The following IQGAP2 variants were observed in gnomAD, a reference collection of about 807,000 sequenced individuals.
IQGAP2 encodes IQ motif containing GTPase activating protein 2.
A neutral mutation model predicts 201.3 loss-of-function variants in IQGAP2; 173 were observed. The ratio of observed to expected loss-of-function variants is 0.86; its 90% CI spans 0.76 to 0.98. The LOEUF (loss-of-function observed/expected upper bound fraction) is 0.98. Among genes scored for constraint, IQGAP2 ranks in the 50% least tolerant of loss-of-function variants. The pLI, the probability that IQGAP2 is intolerant of heterozygous loss-of-function variation, is 0.00. For synonymous variants in IQGAP2, 675 were observed against 673.9 expected, an observed-to-expected ratio of 1.00 and a Z score of -0.03; for missense variants, 1,687 against 1,864.8, an observed-to-expected ratio of 0.90 and a Z score of 1.76.
At chr5:76,450,810 G>T (rs1240674828) in intron 1 of IQGAP2, among the ~76,000 whole-genome samples, 1 of 152,122 alleles carries the variant, frequency 6.6e-6, no homozygotes, top group Non-Finnish European at 1.5e-5. Flanking sequence ...GGTGGCTTTA[G>T]TCCTGAATCT....
In IQGAP2 at chr5:76,683,234, T is replaced by C. The variant is rs890002764; in HGVS notation, c.3763+17T>C. The C allele has an allele frequency of 1.5e-5, 23 of 1,575,130 alleles. No homozygotes were observed. Among genetic ancestry groups the C allele is most frequent in the Non-Finnish European group, 1.8e-5 (21 of 1,150,890 alleles). On this transcript the variant is annotated intron_variant, in intron 29 of 35. Coordinates refer to ENST00000274364, the MANE Select transcript of IQGAP2 (RefSeq NM_006633.5). The stretch of plus-strand genomic sequence containing the variant: ...CTTTTCTTGGTAAGAGCTTGTTCCT[T>C]CTACTTATCCCTTGGTTTTTGTTTA...
chr5:76,578,357 G>T (rs1270468028), intron 5 of IQGAP2, among the ~76,000 whole-genome samples: 2 of 151,910 alleles, frequency 1.3e-5, no homozygotes, highest in Non-Finnish European at 2.9e-5. Context: ...TCTGTCACCA[G>T]GCTAGAGTGC....
chr5:76,436,908 TATACATAC>T (rs558853159), intron 1 of IQGAP2, among the ~76,000 whole-genome samples: 59 of 152,028 alleles, frequency 3.9e-4, no homozygotes, highest in African/African-American at 1.3e-3. Context: ...ATGTTTATGT[TATACATAC>T]ATACATACAA....
At chr5:76,416,444 A>C (rs1751406792) in intron 1 of IQGAP2, among the ~76,000 whole-genome samples, 1 of 152,202 alleles carries the variant, frequency 6.6e-6, no homozygotes, top group South Asian at 2.1e-4. Flanking sequence ...GACGAGAAGC[A>C]CTGTGATAGC....
intron 18 of IQGAP2, among the ~76,000 whole-genome samples, 181 bp from the exon 19 acceptor site, chr5:76,654,019 C>A (rs457127): frequency 0.63 from 95,545 of 152,042 alleles, 30,313 homozygotes; most frequent in South Asian, 0.82. Context: ...CTTAAGAAAC[C>A]TCAGTGAAAG....
intron 3 of IQGAP2, 103 bp downstream of exon 3, chr5:76,562,655 G>T: frequency 1.9e-6 from 2 of 1,067,996 alleles, no homozygotes; most frequent in East Asian, 4.9e-5. Context: ...AAGGATTTGG[G>T]GGGCTGGGGG....
chr5:76,506,533 A>G lies in IQGAP2; in HGVS notation c.146+44864A>G, dbSNP rs142390397. 3.1e-3 allele frequency among the ~76,000 whole-genome samples: 479 copies of G among 152,368 alleles called. 4 individuals carry two copies. Among genetic ancestry groups the G allele is most frequent in the African/African-American group, 0.01 (416 of 41,590 alleles). On this transcript the variant is annotated intron_variant, in intron 2 of 35. Coordinates refer to ENST00000274364, the MANE Select transcript of IQGAP2 (RefSeq NM_006633.5). ...AAGACAACTGGACTCCAAAATAGAC[A>G]GTAACAGTGATCTCCAGAATCAAAA...
Position 76,673,086 on chromosome 5 carries a change from AAAAAG to A in IQGAP2, c.3069-353_3069-349del, listed in dbSNP as rs369278409. ...TAAAATAAAAAATAATTAATTTAAAAAAAAGAAAAGAAAATTGGTTGTCCTCTCTG... is the reference window on the plus strand; with the variant it reads ...TAAAATAAAAAATAATTAATTTAAAAAAAAGAAAATTGGTTGTCCTCTCTG... On this transcript the variant is annotated intron_variant, in intron 24 of 35. Transcript: ENST00000274364. 2.0e-3 allele frequency among the ~76,000 whole-genome samples: 311 copies of A among 152,252 alleles called. 1 individual carries two copies. Among genetic ancestry groups the A allele is most frequent in the African/African-American group, 7.2e-3 (300 of 41,572 alleles).
At chr5:76,592,565 A>AC (rs1746735213) in intron 8 of IQGAP2, among the ~76,000 whole-genome samples, 1 of 152,114 alleles carries the variant, frequency 6.6e-6, no homozygotes, top group Admixed American at 6.6e-5. Context: ...TTTGATCTAA[A>AC]AAAAGGGCAA....
At chr5:76,538,950 G>C (rs1327675888) in intron 2 of IQGAP2, among the ~76,000 whole-genome samples, 1 of 152,176 alleles carries the variant, frequency 6.6e-6, no homozygotes, top group African/African-American at 2.4e-5. Context: ...GGTTTGTTCT[G>C]ATGGTGGGGT....
At chr5:76,609,251 A>T in intron 12 of IQGAP2, 18 of 1,535,560 alleles carry the variant, frequency 1.2e-5, no homozygotes, top group Non-Finnish European at 1.6e-5. Flanking sequence ...CAGCTTACCC[A>T]AGGGGGGTGA....
chr5:76,529,567 G>A (rs949422541), intron 2 of IQGAP2, among the ~76,000 whole-genome samples: 1 of 151,624 alleles, frequency 6.6e-6, no homozygotes. Flanking sequence ...GGCGAAGGCT[G>A]CAGTGAGCCG....
intron 2 of IQGAP2, among the ~76,000 whole-genome samples, chr5:76,522,473 G>A (rs1041055826): frequency 1.3e-5 from 2 of 152,076 alleles, no homozygotes; most frequent in Non-Finnish European, 2.9e-5. Context: ...ATGAGCCACC[G>A]CGCCTGGCCA....
intron 2 of IQGAP2, among the ~76,000 whole-genome samples, chr5:76,526,815 G>A (rs1278548172): frequency 6.6e-6 from 1 of 152,192 alleles, no homozygotes; most frequent in African/African-American, 2.4e-5. Context: ...TGTGATAATA[G>A]TCTAGTTTTA....
intron 1 of IQGAP2, among the ~76,000 whole-genome samples, chr5:76,459,955 T>A (rs1415946218): frequency 6.6e-6 from 1 of 152,126 alleles, no homozygotes; most frequent in Non-Finnish European, 1.5e-5. Context: ...TTATAATTTT[T>A]AAAGTCTATT....
intron 15 of IQGAP2, among the ~76,000 whole-genome samples, chr5:76,634,682 A>G (rs185932576): frequency 1.3e-5 from 2 of 152,194 alleles, no homozygotes. Flanking sequence ...TCAGGCACGC[A>G]CAGGATGATT....
chr5:76,554,271 TATAAA>T (rs1743759022), intron 2 of IQGAP2, among the ~76,000 whole-genome samples: 1 of 152,052 alleles, frequency 6.6e-6, no homozygotes, highest in Admixed American at 6.5e-5. Context: ...ATATATAACA[TATAAA>T]ATACCAAAAA....
chr5:76,673,688 A>G (rs1744557852), intron 25 of IQGAP2, 99 bp downstream of exon 25: 4 of 1,242,580 alleles, frequency 3.2e-6, no homozygotes, highest in Admixed American at 4.3e-5. Flanking sequence ...GTTTTCCCTT[A>G]TATTGTGTTT....
chr5:76,678,224 G>T (rs1022822892), intron 28 of IQGAP2, among the ~76,000 whole-genome samples: 2 of 152,060 alleles, frequency 1.3e-5, no homozygotes, highest in African/African-American at 4.8e-5. Flanking sequence ...CACTTCCATT[G>T]TTCTGGAAAC....
Sources: gnomAD v4.1 joint callset for allele counts (sites outside exome capture counted in the v4.1 genomes callset) on GRCh38, gnomAD v4.1.1 for gene constraint, MANE v1.5 for transcripts, NCBI Gene and HGNC (gene_info 2026-07-23, HGNC 2026-07-21) for gene names.